MARCHF8: variants seen among roughly 807,000 people sequenced by gnomAD.
MARCHF8 encodes membrane associated ring-CH-type finger 8.
Under a neutral mutation model 51.6 loss-of-function variants are expected in MARCHF8, and 40 were observed. That is an observed-to-expected ratio of 0.77 (90% CI 0.60 to 1.01). MARCHF8 has a LOEUF of 1.01. Ranked by LOEUF, MARCHF8 falls within the 50% of genes least tolerant of loss-of-function variation. The pLI is 0.00. For missense variants in MARCHF8, 685 were observed against 708.6 expected (o/e 0.97, Z 0.38); for synonymous variants, 263 against 280.3 (o/e 0.94, Z 0.62).
chr10:45,512,588 C>G (rs1178818365), intron 2 of MARCHF8, among the ~76,000 whole-genome samples: 6 of 149,134 alleles, frequency 4.0e-5, no homozygotes, highest in African/African-American at 7.4e-5. Context: ...GCCGCCCAGT[C>G]CGGGAGGGAG....
At position 45,463,768 on chromosome 10, in the gene MARCHF8, G is replaced by A. The variant is rs1357785758; in HGVS notation, c.471C>T (p.Ser157=). The A allele has an allele frequency of 6.4e-7, 1 of 1,551,094 alleles. No individual in the cohort carries two copies. Among genetic ancestry groups the A allele is most frequent in the Admixed American group, 2.0e-5 (1 of 51,014 alleles). ...KARRTLKFSR[S]LNDVGEKAQD... ...GCGCCTTCTCACCCACATCATTGAG[G>A]GACCTTGAGAACTTTAGTGTTCTTC... Residue 157 remains serine, a synonymous_variant, in exon 5 of 8, where the codon TCC becomes TCT. Coordinates refer to ENST00000453424, the MANE Select transcript of MARCHF8 (RefSeq NM_001282866.2).
intron 3 of MARCHF8, among the ~76,000 whole-genome samples, chr10:45,486,053 A>G (rs2042973497): frequency 1.3e-5 from 2 of 152,226 alleles, no homozygotes; most frequent in Non-Finnish European, 2.9e-5. Flanking sequence ...GAACTGGTTC[A>G]TGTCTAACCA....
At chr10:45,545,558 G>C (rs2044109943) in intron 1 of MARCHF8, among the ~76,000 whole-genome samples, 1 of 152,196 alleles carries the variant, frequency 6.6e-6, no homozygotes, top group Non-Finnish European at 1.5e-5. Flanking sequence ...TTCAAATATA[G>C]TGGAATGTAA....
intron 1 of MARCHF8, among the ~76,000 whole-genome samples, chr10:45,562,270 A>C (rs1244496954): frequency 2.2e-4 from 33 of 152,218 alleles, no homozygotes; most frequent in Admixed American, 2.2e-3. Flanking sequence ...AAACAGATAA[A>C]AGACTTAAAT....
chr10:45,463,917 TCTGG>T lies in MARCHF8; in HGVS notation c.318_321del (p.Cys106Ter). On this transcript the variant is annotated frameshift_variant, in exon 5 of 8. Transcript: ENST00000453424. LOFTEE classifies it high-confidence loss of function. ...ACAGTGAGCCCTTGTGTCAGAGAAC[TCTGG>T]CAGTGAGGAGCTTTCGAGACAACAG... 1 of 1,536,418 alleles carries T rather than the reference TCTGG, an allele frequency of 6.5e-7. No individual in the cohort carries two copies. The highest frequency in any genetic ancestry group is 1.2e-5 in the South Asian group (1 of 84,070).
intron 1 of MARCHF8, among the ~76,000 whole-genome samples, chr10:45,591,796 C>T (rs146055251): frequency 1.3e-5 from 2 of 152,140 alleles, no homozygotes; most frequent in Non-Finnish European, 2.9e-5. Context: ...AAAGTGTATG[C>T]TTTGTAGAAC....
At chr10:45,471,177 T>TACGCCAA (rs2042682279) in intron 3 of MARCHF8, among the ~76,000 whole-genome samples, 1 of 152,254 alleles carries the variant, frequency 6.6e-6, no homozygotes, top group Non-Finnish European at 1.5e-5. Flanking sequence ...TAGCATTGCT[T>TACGCCAA]ACGCCAAGTA....
At chr10:45,591,558 C>T (rs541820316) in intron 1 of MARCHF8, among the ~76,000 whole-genome samples, 1 of 152,056 alleles carries the variant, frequency 6.6e-6, no homozygotes, top group East Asian at 1.9e-4. Flanking sequence ...GGAAGAAGTA[C>T]ACAGGAGGTC....
chr10:45,511,741 G>A (rs545059719), intron 2 of MARCHF8, among the ~76,000 whole-genome samples: 1,734 of 152,202 alleles, frequency 0.011, 16 homozygotes, highest in Middle Eastern at 0.014. Context: ...GTGCAGTGGC[G>A]TGATCTCGGC....
intron 6 of MARCHF8, among the ~76,000 whole-genome samples, chr10:45,460,543 T>C (rs902589467): frequency 6.6e-6 from 1 of 152,262 alleles, no homozygotes; most frequent in Admixed American, 6.5e-5. Context: ...TGTTCTGAGA[T>C]AGGAACAGTT....
chr10:45,477,565 A>G (rs1020317358), intron 3 of MARCHF8, among the ~76,000 whole-genome samples: 14 of 152,258 alleles, frequency 9.2e-5, no homozygotes, highest in Non-Finnish European at 7.3e-5. Flanking sequence ...GCCCTCACAT[A>G]TCAATAGCAA....
chr10:45,545,866 A>T (rs1589166316), intron 1 of MARCHF8, among the ~76,000 whole-genome samples: 1 of 152,214 alleles, frequency 6.6e-6, no homozygotes, highest in Admixed American at 6.5e-5. Flanking sequence ...CCTCTGTCTC[A>T]CTCTCACTTA....
rs1305782387 is a variant in MARCHF8, at chr10:45,454,890, A to C, written c.*3349T>G. On this transcript the variant is annotated 3_prime_UTR_variant, in exon 8 of 8. Transcript: ENST00000453424. ...AACTTCAACAATTACTTCCAAGACA[A>C]AGATAAATGCTTTTATTTCCCTATG... The C allele has an allele frequency of 6.6e-6, 1 of 152,240 alleles. No homozygotes were observed. The highest frequency in any genetic ancestry group is 1.5e-5 in the Non-Finnish European group (1 of 68,046). The allele number at this position is 152,240 out of a possible 1,614,324, so 9.4% of individuals were successfully genotyped here. A position where few individuals can be genotyped will look rare whatever the true frequency, so the allele number is the denominator to read the frequency against.
chr10:45,581,735 C>G (rs2044557590), intron 1 of MARCHF8, among the ~76,000 whole-genome samples: 1 of 152,158 alleles, frequency 6.6e-6, no homozygotes, highest in Admixed American at 6.5e-5. Flanking sequence ...GCCCTTCCTA[C>G]TAGGTGCCAT....
chr10:45,526,939 G>A (rs35517795), intron 2 of MARCHF8, among the ~76,000 whole-genome samples: 1,728 of 152,282 alleles, frequency 0.011, 18 homozygotes, highest in Non-Finnish European at 0.014. Flanking sequence ...TCAGACTACA[G>A]TGGAAAAAAC....
chr10:45,586,508 T>C (rs2044620080), intron 1 of MARCHF8, among the ~76,000 whole-genome samples: 1 of 152,084 alleles, frequency 6.6e-6, no homozygotes, highest in Non-Finnish European at 1.5e-5. Context: ...GGGGTGTAAA[T>C]GTCTAGGTCA....
intron 1 of MARCHF8, among the ~76,000 whole-genome samples, chr10:45,552,139 A>G (rs1013562269): frequency 6.6e-6 from 1 of 152,148 alleles, no homozygotes; most frequent in African/African-American, 2.4e-5. Flanking sequence ...GTATCCTTCC[A>G]GTTTCCTAAC....
intron 3 of MARCHF8, among the ~76,000 whole-genome samples, chr10:45,467,101 A>G (rs974473672): frequency 6.6e-6 from 1 of 152,156 alleles, no homozygotes; most frequent in Non-Finnish European, 1.5e-5. Flanking sequence ...GCTCAGTTTT[A>G]CTTAGGAAAT....
intron 1 of MARCHF8, among the ~76,000 whole-genome samples, chr10:45,580,066 G>T (rs1470215496): frequency 8.2e-6 from 1 of 122,412 alleles, no homozygotes; most frequent in African/African-American, 3.1e-5. Flanking sequence ...CTATCTGAAA[G>T]AAATAATCTA....
Sources: gnomAD v4.1 joint callset for allele counts (sites outside exome capture counted in the v4.1 genomes callset) on GRCh38, gnomAD v4.1.1 for gene constraint, MANE v1.5 for transcripts, NCBI Gene and HGNC (gene_info 2026-07-23, HGNC 2026-07-21) for gene names.